The following GRIK2 variants were observed in gnomAD, a reference collection of about 807,000 sequenced individuals.
The protein encoded by GRIK2 is glutamate ionotropic receptor kainate type subunit 2.
A neutral mutation model predicts 100.3 loss-of-function variants in GRIK2; 32 were observed. The ratio of observed to expected loss-of-function variants is 0.32; its 90% CI spans 0.24 to 0.43. The LOEUF (loss-of-function observed/expected upper bound fraction) is 0.43, where lower values mean the gene tolerates loss of function less well. Among genes scored for constraint, GRIK2 ranks in the 20% least tolerant of loss-of-function variants. The pLI is 1.00. For synonymous variants in GRIK2, 417 were observed against 389.4 expected (o/e 1.07, Z -0.83); for missense variants, 843 against 1,114.9 (o/e 0.76, Z 3.47).
chr6:101,847,012 A>G (rs1783851873), intron 10 of GRIK2, among the ~76,000 whole-genome samples: 1 of 149,742 alleles, frequency 6.7e-6, no homozygotes, highest in South Asian at 2.1e-4. Flanking sequence ...TCTCTGAGGT[A>G]ATCTTTCTTC....
At chr6:102,046,750 T>C (rs1220743010) in intron 15 of GRIK2, among the ~76,000 whole-genome samples, 1 of 152,132 alleles carries the variant, frequency 6.6e-6, no homozygotes, top group Non-Finnish European at 1.5e-5. Context: ...TCAAGAACAG[T>C]AGAATGTGCT....
At chr6:101,493,967 A>G (rs1398503233) in intron 2 of GRIK2, among the ~76,000 whole-genome samples, 1 of 145,370 alleles carries the variant, frequency 6.9e-6, no homozygotes, top group Admixed American at 7.0e-5. Flanking sequence ...TATATTTTAT[A>G]TATAATTTAT....
intron 2 of GRIK2, among the ~76,000 whole-genome samples, chr6:101,536,238 T>C (rs557863824): frequency 6.6e-6 from 1 of 151,868 alleles, no homozygotes; most frequent in South Asian, 2.1e-4. Context: ...CTATTCATGT[T>C]GTACGTCAGA....
At chr6:101,433,909 G>A (rs149109626) in intron 2 of GRIK2, among the ~76,000 whole-genome samples, 2 of 152,204 alleles carry the variant, frequency 1.3e-5, no homozygotes, top group African/African-American at 4.8e-5. Flanking sequence ...TTTATGAGTC[G>A]TACAGGCCAG....
chr6:101,703,963 A>G (rs1773078909), intron 7 of GRIK2, among the ~76,000 whole-genome samples: 1 of 151,812 alleles, frequency 6.6e-6, no homozygotes, highest in Non-Finnish European at 1.5e-5. Context: ...GTATACCAGC[A>G]GAAATGGAAT....
At chr6:102,025,895 A>C (rs1769671049) in intron 14 of GRIK2, among the ~76,000 whole-genome samples, 1 of 150,662 alleles carries the variant, frequency 6.6e-6, no homozygotes, top group Non-Finnish European at 1.5e-5. Flanking sequence ...GTTGAGTTTT[A>C]AACTAAAACT....
chr6:101,897,978 G>A (rs1283361148), intron 12 of GRIK2, among the ~76,000 whole-genome samples: 1 of 151,788 alleles, frequency 6.6e-6, no homozygotes, highest in East Asian at 1.9e-4. Context: ...CCAGAGTGGT[G>A]GGTCAGGTGA....
intron 2 of GRIK2, among the ~76,000 whole-genome samples, chr6:101,410,472 A>T (rs986715988): frequency 6.6e-6 from 1 of 152,012 alleles, no homozygotes; most frequent in Non-Finnish European, 1.5e-5. Flanking sequence ...CCACCCCTAG[A>T]CCACTAACCT....
chr6:101,745,279 A>C (rs1314896536), intron 7 of GRIK2: 2 of 152,180 alleles, frequency 1.3e-5, no homozygotes, highest in African/African-American at 4.8e-5. Flanking sequence ...TTTTGGATTT[A>C]TACACTTTAG....
At chr6:102,060,554 A>C (rs1771695591) in intron 16 of GRIK2, among the ~76,000 whole-genome samples, 1 of 150,814 alleles carries the variant, frequency 6.6e-6, no homozygotes, top group Non-Finnish European at 1.5e-5. Context: ...TTAAATAATT[A>C]GTTCTAACAG....
At chr6:102,019,756 A>G (rs1336962155) in intron 14 of GRIK2, among the ~76,000 whole-genome samples, 1 of 151,978 alleles carries the variant, frequency 6.6e-6, no homozygotes, top group Non-Finnish European at 1.5e-5. Flanking sequence ...CTTCTAACAA[A>G]TCATCCTTGA....
intron 2 of GRIK2, among the ~76,000 whole-genome samples, chr6:101,521,187 T>C (rs938371550): frequency 6.6e-5 from 10 of 152,072 alleles, no homozygotes; most frequent in Admixed American, 6.5e-5. Flanking sequence ...TAAATGTCAA[T>C]CTTAATTTCT....
chr6:101,435,459 TC>T (rs1476518065), intron 2 of GRIK2, among the ~76,000 whole-genome samples: 1 of 151,764 alleles, frequency 6.6e-6, no homozygotes, highest in Non-Finnish European at 1.5e-5. Flanking sequence ...GCAACCCCCT[TC>T]CCCTCAATCC....
intron 2 of GRIK2, among the ~76,000 whole-genome samples, chr6:101,488,501 CAGAG>C (rs1772943158): frequency 6.8e-6 from 1 of 146,582 alleles, no homozygotes. Context: ...TGAGGTTTAT[CAGAG>C]AGATCATCAA....
chr6:101,632,154 CAAAG>C lies in GRIK2; in HGVS notation c.541+5522_541+5525del, dbSNP rs145417583. The stretch of plus-strand genomic sequence containing the variant: ...GGCATACCATCCGGCTTGGGTGTCA[CAAAG>C]AAAGGCTGCCCTGACCCCTGCTTTC... On this transcript the variant is annotated intron_variant, in intron 4 of 16. Coordinates refer to ENST00000369134, the MANE Select transcript of GRIK2 (RefSeq NM_021956.5). Among the ~76,000 whole-genome samples the C allele has an allele frequency of 1.7e-3, 254 of 152,230 alleles. 1 individual carries two copies. Among genetic ancestry groups the C allele is most frequent in the African/African-American group, 6.0e-3 (248 of 41,566 alleles).
intron 2 of GRIK2, among the ~76,000 whole-genome samples, chr6:101,567,469 G>A (rs1777329102): frequency 6.6e-6 from 1 of 151,744 alleles, no homozygotes. Context: ...TCTCAAAACT[G>A]ATATTATCTT....
intron 2 of GRIK2, among the ~76,000 whole-genome samples, chr6:101,401,950 C>T (rs1031125450): frequency 6.6e-6 from 1 of 152,268 alleles, no homozygotes. Context: ...GCGCCGGCAG[C>T]CGCCAGGCGC....
chr6:102,064,351 T>TTTCC (rs754537614), intron 16 of GRIK2, among the ~76,000 whole-genome samples: 412 of 145,528 alleles, frequency 2.8e-3, no homozygotes, highest in African/African-American at 3.4e-3. Context: ...TCCTTTCCTC[T>TTTCC]TTCCTTCCTT....
chr6:101,743,837 GT>G (rs1776204576), intron 7 of GRIK2, among the ~76,000 whole-genome samples: 1 of 152,070 alleles, frequency 6.6e-6, no homozygotes, highest in African/African-American at 2.4e-5. Context: ...ACGTTAATAG[GT>G]TTTTTGGGAA....
Sources: gnomAD v4.1 joint callset for allele counts (sites outside exome capture counted in the v4.1 genomes callset) on GRCh38, gnomAD v4.1.1 for gene constraint, MANE v1.5 for transcripts, NCBI Gene and HGNC (gene_info 2026-07-23, HGNC 2026-07-21) for gene names.